ZSCAN25: variants seen among roughly 807,000 people sequenced by gnomAD.
ZSCAN25 encodes zinc finger and SCAN domain containing 25, also known as zinc finger and SCAN domain-containing protein 25.
ZSCAN25 carries 27 observed loss-of-function variants against 38.7 expected under a neutral mutation model. That is an observed-to-expected ratio of 0.70 (90% confidence interval 0.51 to 0.96). ZSCAN25 has a LOEUF of 0.96. Ranked by LOEUF, ZSCAN25 falls within the 40% of genes least tolerant of loss-of-function variation. The pLI, the probability that ZSCAN25 is intolerant of heterozygous loss-of-function variation, is 0.00. For missense variants in ZSCAN25, 637 were observed against 705.9 expected (o/e 0.90, Z 1.11); for synonymous variants, 273 against 277.7 (o/e 0.98, Z 0.17).
the ZSCAN25 span, among the ~76,000 whole-genome samples, chr7:99,728,256 C>G: frequency 6.6e-6 from 1 of 152,176 alleles, no homozygotes; most frequent in African/African-American, 2.4e-5. Context: ...AACTAGCCCC[C>G]TCCTAGAACT....
the ZSCAN25 span, among the ~76,000 whole-genome samples, chr7:99,691,161 GAAA>G: frequency 1.7e-4 from 26 of 152,100 alleles, no homozygotes; most frequent in Non-Finnish European, 1.3e-4. Flanking sequence ...GATGAAGGTG[GAAA>G]CCATCATTCT....
chr7:99,632,327 A>G lies in ZSCAN25; in HGVS notation c.*2307A>G. 2 of 815,440 alleles carry G rather than the reference A, an allele frequency of 2.5e-6. No individual in the cohort carries two copies. The highest frequency in any genetic ancestry group is 3.0e-6 in the Non-Finnish European group (2 of 675,798). The allele number at this position is 815,440 out of a possible 1,614,324, so 50.5% of individuals were successfully genotyped here. ...TTTTCTATTCTTTAGAAATTTTTTT[A>G]TAATAGATAATTTCAAACCTATATA... On this transcript the variant is annotated 3_prime_UTR_variant, in exon 8 of 8. Coordinates refer to ENST00000394152, the MANE Select transcript of ZSCAN25 (RefSeq NM_145115.3).
chr7:99,620,064 G>A, intron 4 of ZSCAN25, 71 bp downstream of exon 4: 2 of 1,490,222 alleles, frequency 1.3e-6, no homozygotes, highest in Non-Finnish European at 1.8e-6. Context: ...CCAAAGATTT[G>A]AGGAAGCAGT....
At chr7:99,672,531 T>A in the ZSCAN25 span, 20 of 1,486,008 alleles carry the variant, frequency 1.3e-5, no homozygotes, top group Non-Finnish European at 1.7e-5. Flanking sequence ...AAATAAAAAT[T>A]TAATCAGTGG....
At chr7:99,662,895 G>A in the ZSCAN25 span, 2 of 1,613,468 alleles carry the variant, frequency 1.2e-6, no homozygotes, top group Non-Finnish European at 1.7e-6. The surrounding 1 kb of genome is among the most constrained non-coding windows in gnomAD (Gnocchi z 4.3). Context: ...AGAAGCAAAA[G>A]GAGAGATTTC....
chr7:99,667,442 T>C, the ZSCAN25 span, among the ~76,000 whole-genome samples: 2 of 152,178 alleles, frequency 1.3e-5, no homozygotes, highest in African/African-American at 4.8e-5. Context: ...GCAGACTGTA[T>C]GTTGCCTCAG....
the ZSCAN25 span, among the ~76,000 whole-genome samples, chr7:99,679,096 G>A: frequency 7.2e-5 from 11 of 152,330 alleles, 1 homozygote; most frequent in East Asian, 2.1e-3. Flanking sequence ...CCAGAGACGG[G>A]AGGAAAAAGA....
rs1807978504 is a variant in ZSCAN25 at position 99,631,258 on chromosome 7, C to G, written c.*1238C>G. On this transcript the variant is annotated 3_prime_UTR_variant, in exon 8 of 8. Coordinates refer to ENST00000394152, the MANE Select transcript of ZSCAN25 (RefSeq NM_145115.3). ...CTCCAGACCCTTGTCATCCAAGGCA[C>G]TAGGGGTCCTGGACACCCACTGGGG... 1.0e-6 allele frequency: 1 copy of G among 985,422 alleles called. No homozygotes were observed. Among genetic ancestry groups the G allele is most frequent in the South Asian group, 4.7e-5 (1 of 21,292 alleles). The allele number at this position is 985,422 out of a possible 1,614,324, so 61.0% of individuals were successfully genotyped here.
chr7:99,734,448 T>G, the ZSCAN25 span, among the ~76,000 whole-genome samples: 3 of 152,106 alleles, frequency 2.0e-5, no homozygotes, highest in African/African-American at 7.2e-5. Flanking sequence ...CCATTGTCTA[T>G]TAGATTATCC....
chr7:99,690,020 G>C, the ZSCAN25 span, among the ~76,000 whole-genome samples: 4 of 152,174 alleles, frequency 2.6e-5, no homozygotes, highest in Admixed American at 1.3e-4. Context: ...GAACAAAGCC[G>C]CAGGCATCAC....
At chr7:99,705,397 A>C in the ZSCAN25 span, 1 of 1,298,260 alleles carries the variant, frequency 7.7e-7, no homozygotes, top group Non-Finnish European at 1.1e-6. Context: ...ACATTGGATG[A>C]AGCCCGTCTT....
At chr7:99,707,950 G>C in the ZSCAN25 span, 12 of 1,613,762 alleles carry the variant, frequency 7.4e-6, no homozygotes, top group Non-Finnish European at 1.0e-5. Context: ...AAGGATCTAT[G>C]TTGTCCTTGT....
the ZSCAN25 span, among the ~76,000 whole-genome samples, chr7:99,639,879 A>G: frequency 1.3e-5 from 2 of 152,002 alleles, no homozygotes; most frequent in Admixed American, 1.3e-4. Context: ...CAGCCTGGGC[A>G]ACATAATGAG....
chr7:99,672,617 A>T, the ZSCAN25 span: 3 of 1,614,136 alleles, frequency 1.9e-6, no homozygotes, highest in Non-Finnish European at 1.7e-6. Context: ...TTCTTTCACT[A>T]GCACTGTTCT....
chr7:99,660,693 A>T, the ZSCAN25 span: 1 of 1,610,356 alleles, frequency 6.2e-7, no homozygotes, highest in Non-Finnish European at 8.5e-7. Flanking sequence ...TAGGTAAATC[A>T]GGTCAACGTA....
the ZSCAN25 span, among the ~76,000 whole-genome samples, chr7:99,639,789 G>A: frequency 6.6e-6 from 1 of 152,130 alleles, no homozygotes; most frequent in African/African-American, 2.4e-5. Context: ...ACTTAGGCTG[G>A]GTGCAGTAGC....
chr7:99,735,031 G>A, the ZSCAN25 span: 1 of 1,614,112 alleles, frequency 6.2e-7, no homozygotes, highest in Admixed American at 1.7e-5. Flanking sequence ...ACAGATAGAG[G>A]AGTATCAGGC....
the ZSCAN25 span, among the ~76,000 whole-genome samples, chr7:99,681,906 C>T: frequency 6.6e-6 from 1 of 152,144 alleles, no homozygotes; most frequent in Non-Finnish European, 1.5e-5. Context: ...GAAGAGTTTC[C>T]ACAATGTTTT....
chr7:99,679,608 T>C, the ZSCAN25 span, among the ~76,000 whole-genome samples: 5 of 152,188 alleles, frequency 3.3e-5, no homozygotes, highest in Admixed American at 3.3e-4. Flanking sequence ...TAAACCCTCC[T>C]AGTCACCAAA....
Sources: allele counts gnomAD v4.1 joint callset (sites outside exome capture counted in the v4.1 genomes callset), GRCh38; gene constraint gnomAD v4.1.1; non-coding constraint Gnocchi (gnomAD v3.1); transcripts MANE v1.5; gene names NCBI Gene and HGNC (gene_info 2026-07-23, HGNC 2026-07-21).